The following SMAD2 variants were observed in gnomAD, a reference collection of about 807,000 sequenced individuals.
The protein encoded by SMAD2 is SMAD family member 2.
SMAD2 carries 8 observed loss-of-function variants against 64.4 expected under a neutral mutation model. That is an observed-to-expected ratio of 0.12 (90% CI 0.07 to 0.22). SMAD2 has a LOEUF of 0.22. SMAD2 is among the 10% of genes least tolerant of loss of function. The pLI, the probability that SMAD2 is intolerant of heterozygous loss-of-function variation, is 1.00. For missense variants in SMAD2, 289 were observed against 561.2 expected (o/e 0.51, Z 4.90); for synonymous variants, 203 against 195.8 (o/e 1.04, Z -0.31).
chr18:47,842,198 T>A lies in SMAD2; in HGVS notation c.1281-248A>T, dbSNP rs115997087. Among the ~76,000 whole-genome samples, 979 of 152,302 alleles carry A rather than the reference T, an allele frequency of 6.4e-3. 11 individuals are homozygous for A. Among genetic ancestry groups the A allele is most frequent in the African/African-American group, 0.022 (896 of 41,556 alleles). ...TAAAATTAATAAGGTGATCTTATTA[T>A]TCACCATCATCCAAAATGGAACACC... On this transcript the variant is annotated intron_variant, in intron 10 of 10. Coordinates refer to ENST00000262160, the MANE Select transcript of SMAD2 (RefSeq NM_005901.6).
chr18:47,889,459 G>GCCTAGA (rs371541726), intron 2 of SMAD2, among the ~76,000 whole-genome samples: 93 of 152,164 alleles, frequency 6.1e-4, no homozygotes, highest in African/African-American at 2.1e-3. Context: ...GGCCTGGGTA[G>GCCTAGA]CCTAGAATGG....
Position 47,828,190 on chromosome 18 carries a change from G to GC in SMAD2, c.*13636dup, listed in dbSNP as rs1912836738. 1 of 157,150 alleles carries GC rather than the reference G, an allele frequency of 6.4e-6. No homozygotes were observed. The highest frequency in any genetic ancestry group is 2.4e-5 in the African/African-American group (1 of 41,272). 9.7% of individuals were successfully genotyped at this position (157,150 alleles called of 1,614,324 possible). On this transcript the variant is annotated 3_prime_UTR_variant, in exon 11 of 11. Transcript: ENST00000262160. ...AACCACCCCGTCCGGGAAGTAAGGA[G>GC]CGTCTCCGCCCAGCAGCCGCCCCGT...
At chr18:47,894,751 G>T (rs2033359260) in intron 2 of SMAD2, among the ~76,000 whole-genome samples, 1 of 152,194 alleles carries the variant, frequency 6.6e-6, no homozygotes, top group Non-Finnish European at 1.5e-5. Context: ...TTACTAGGAA[G>T]TAAGTAGTTT....
At chr18:47,854,892 G>A (rs1568048381) in intron 6 of SMAD2, among the ~76,000 whole-genome samples, 1 of 151,996 alleles carries the variant, frequency 6.6e-6, no homozygotes, top group South Asian at 2.1e-4. Flanking sequence ...ATTTACATTA[G>A]GGCTATGTTA....
chr18:47,845,835 C>T (rs1259690578), intron 8 of SMAD2, 35 bp from the exon 9 acceptor site: 1 of 1,593,034 alleles, frequency 6.3e-7, no homozygotes. Flanking sequence ...AGTTTTGTAA[C>T]ATTTACTATT....
intron 6 of SMAD2, among the ~76,000 whole-genome samples, chr18:47,859,493 T>A (rs972785731): frequency 4.6e-5 from 7 of 152,176 alleles, no homozygotes; most frequent in African/African-American, 1.7e-4. Context: ...GTTAACAGAA[T>A]TAAATTAGAA....
rs963053401 is a variant in SMAD2 at position 47,844,717 on chromosome 18, T to C, written c.1280+623A>G. Among the ~76,000 whole-genome samples the C allele has an allele frequency of 4.6e-5, 7 of 152,332 alleles. No individual in the cohort carries two copies. The East Asian group carries it at 1.3e-3, about 29-fold the overall frequency. ...TTGAACCATGTGTTACCTGCAACGATGGCAATTTCATATATTTCAACCTTA... is the reference window on the plus strand; with the variant it reads ...TTGAACCATGTGTTACCTGCAACGACGGCAATTTCATATATTTCAACCTTA... On this transcript the variant is annotated intron_variant, in intron 10 of 10. Transcript: ENST00000262160.
chr18:47,867,159 C>T (rs186952783), intron 5 of SMAD2: 2 of 152,154 alleles, frequency 1.3e-5, no homozygotes, highest in Admixed American at 1.3e-4. Context: ...TACTACATCC[C>T]ACCCTCTCCC....
intron 7 of SMAD2, among the ~76,000 whole-genome samples, chr18:47,850,295 A>AATATATATTATATATT (rs1568040195): frequency 2.7e-4 from 12 of 45,104 alleles, no homozygotes; most frequent in Non-Finnish European, 2.9e-4. Context: ...TATTATGTAT[A>AATATATATTATATATT]ATATATATTA....
In SMAD2 at chr18:47,822,370, A is replaced by T. The variant is rs140902247; in HGVS notation, c.*19457T>A. The T allele has an allele frequency of 6.6e-6, 1 of 152,338 alleles. No homozygotes were observed. Among genetic ancestry groups the T allele is most frequent in the East Asian group, 1.9e-4 (1 of 5,190 alleles). 9.4% of individuals were successfully genotyped at this position (152,338 alleles called of 1,614,324 possible). On this transcript the variant is annotated 3_prime_UTR_variant, in exon 11 of 11. Transcript: ENST00000262160. ...AACACACTTTTAAATACAGGTTACT[A>T]ATCACTTTAATACCAATGGACTAAA...
chr18:47,918,355 C>A (rs1359799254), intron 1 of SMAD2, among the ~76,000 whole-genome samples: 6 of 152,166 alleles, frequency 3.9e-5, no homozygotes, highest in African/African-American at 1.4e-4. Context: ...GCCAGACCTC[C>A]GCCCAGTTAT....
intron 1 of SMAD2, among the ~76,000 whole-genome samples, chr18:47,919,469 T>TAC (rs66523523): frequency 0.015 from 2,001 of 129,840 alleles, 50 homozygotes; most frequent in African/African-American, 0.049. Flanking sequence ...AAAAAAAAAA[T>TAC]ACACACACAC....
At chr18:47,930,806 G>A (rs1407815220), upstream of SMAD2, 6 of 147,364 alleles carry the variant, frequency 4.1e-5, no homozygotes. Context: ...CCACCTCCCG[G>A]CGGCTGGCGG....
At chr18:47,896,954 T>C (rs926866910) in intron 1 of SMAD2, 145 bp from the exon 2 acceptor site, 2 of 713,418 alleles carry the variant, frequency 2.8e-6, no homozygotes, top group East Asian at 5.5e-5. Context: ...ATGAAAACGT[T>C]ATCTTTATGA....
intron 2 of SMAD2, among the ~76,000 whole-genome samples, chr18:47,882,852 A>G: frequency 6.6e-6 from 1 of 152,234 alleles, no homozygotes; most frequent in Non-Finnish European, 1.5e-5. Flanking sequence ...GGGGTAACCT[A>G]AATTTCATCA....
rs1046067538 is a variant in SMAD2 at position 47,826,022 on chromosome 18, C to T, written c.*15805G>A. The T allele has an allele frequency of 6.6e-6, 1 of 152,176 alleles. No homozygotes were observed. 9.4% of individuals were successfully genotyped at this position (152,176 alleles called of 1,614,324 possible). ...GAGTGATTCTTTCTACTTTCTAGTG[C>T]TGTACAGGATAGGCTCAGCGTTTGG... On this transcript the variant is annotated 3_prime_UTR_variant, in exon 11 of 11. Transcript: ENST00000262160.
chr18:47,852,092 TTTATA>T (rs1296223744), intron 6 of SMAD2, among the ~76,000 whole-genome samples: 1 of 152,174 alleles, frequency 6.6e-6, no homozygotes, highest in Non-Finnish European at 1.5e-5. Context: ...TTTACACATG[TTTATA>T]TTATATTTCC....
chr18:47,925,530 T>C (rs2034726848), intron 1 of SMAD2, among the ~76,000 whole-genome samples: 1 of 151,452 alleles, frequency 6.6e-6, no homozygotes, highest in Non-Finnish European at 1.5e-5. Flanking sequence ...TCTCCCTACA[T>C]GAAATTGCTG....
chr18:47,879,307 A>G (rs955631564), intron 2 of SMAD2, among the ~76,000 whole-genome samples: 20 of 152,042 alleles, frequency 1.3e-4, no homozygotes, highest in African/African-American at 4.1e-4. Context: ...CAAGATCATC[A>G]CCCATGTCCA....
Sources: gnomAD v4.1 joint callset for allele counts (sites outside exome capture counted in the v4.1 genomes callset) on GRCh38, gnomAD v4.1.1 for gene constraint, MANE v1.5 for transcripts, NCBI Gene and HGNC (gene_info 2026-07-23, HGNC 2026-07-21) for gene names.